The following EBF1 variants were observed in gnomAD, a reference collection of about 807,000 sequenced individuals.
EBF1 encodes the protein EBF transcription factor 1, also known as transcription factor COE1.
A neutral mutation model predicts 68.4 loss-of-function variants in EBF1; 10 were observed. That is an observed-to-expected ratio of 0.15 (90% confidence interval 0.09 to 0.25). EBF1 has a LOEUF of 0.25. EBF1 is among the 10% of genes least tolerant of loss of function. The probability of loss-of-function intolerance (pLI) is 1.00; values close to 1 mark genes in which losing one functional copy is unlikely to be tolerated. For missense variants in EBF1, 509 were observed against 794.4 expected (o/e 0.64, Z 4.32); for synonymous variants, 298 against 299.8 (o/e 0.99, Z 0.06).
At chr5:158,886,722 G>A (rs1800109912) in intron 6 of EBF1, among the ~76,000 whole-genome samples, 1 of 152,176 alleles carries the variant, frequency 6.6e-6, no homozygotes, top group South Asian at 2.1e-4. Context: ...TTTACAAAAG[G>A]AGACTTAGGC....
chr5:158,883,374 A>G (rs529086357), intron 6 of EBF1, among the ~76,000 whole-genome samples: 2 of 150,948 alleles, frequency 1.3e-5, no homozygotes, highest in African/African-American at 4.9e-5. Context: ...ACATACATAC[A>G]TGTATATATA....
At chr5:158,863,344 C>A (rs1056222775) in intron 6 of EBF1, among the ~76,000 whole-genome samples, 1 of 152,156 alleles carries the variant, frequency 6.6e-6, no homozygotes, top group East Asian at 1.9e-4. Context: ...AGTTTTCCAA[C>A]GGCACACTCC....
intron 10 of EBF1, among the ~76,000 whole-genome samples, chr5:158,740,430 A>G (rs1049058941): frequency 3.3e-5 from 5 of 152,316 alleles, no homozygotes; most frequent in South Asian, 2.1e-4. Flanking sequence ...AAGAGTTGTA[A>G]TGAAATTATA....
At chr5:158,998,144 T>C (rs896652182) in intron 6 of EBF1, among the ~76,000 whole-genome samples, 2 of 152,076 alleles carry the variant, frequency 1.3e-5, no homozygotes, top group Admixed American at 1.3e-4. Context: ...TTCACTATAC[T>C]CTATCTTATT....
At chr5:159,016,497 A>G (rs1415803839) in intron 6 of EBF1, among the ~76,000 whole-genome samples, 1 of 152,226 alleles carries the variant, frequency 6.6e-6, no homozygotes, top group Admixed American at 6.5e-5. Flanking sequence ...GACTCCAATG[A>G]TAACGATGAT....
At chr5:158,745,267 T>C (rs940849937) in intron 10 of EBF1, among the ~76,000 whole-genome samples, 1 of 152,194 alleles carries the variant, frequency 6.6e-6, no homozygotes, top group African/African-American at 2.4e-5. Context: ...TTGTTGCTAT[T>C]AGCTCGTGAG....
At chr5:158,949,578 G>T (rs1437530102) in intron 6 of EBF1, among the ~76,000 whole-genome samples, 3 of 152,146 alleles carry the variant, frequency 2.0e-5, no homozygotes, top group Non-Finnish European at 4.4e-5. Flanking sequence ...TTCCAAAAGA[G>T]GCCACTTCAA....
intron 2 of EBF1, 112 bp downstream of exon 2, chr5:159,096,862 A>G: frequency 4.4e-6 from 6 of 1,359,334 alleles, no homozygotes; most frequent in Non-Finnish European, 5.9e-6. Flanking sequence ...ACCCCCACAT[A>G]GAAGTGTGTT....
chr5:159,095,719 T>C (rs1301267488), intron 3 of EBF1, 44 bp from the exon 4 acceptor site: 1 of 1,600,210 alleles, frequency 6.2e-7, no homozygotes, highest in Admixed American at 1.7e-5. Context: ...AAGTGAGAGG[T>C]TACGGAGGGT....
At chr5:159,073,490 A>G in intron 5 of EBF1, 26 bp from the exon 6 acceptor site, 1 of 1,613,602 alleles carries the variant, frequency 6.2e-7, no homozygotes, top group Non-Finnish European at 8.5e-7. Flanking sequence ...GAAAGGATTT[A>G]GTACAACCAT....
chr5:158,835,142 A>G (rs1788464733), intron 7 of EBF1, among the ~76,000 whole-genome samples: 1 of 152,224 alleles, frequency 6.6e-6, no homozygotes, highest in Admixed American at 6.5e-5. Context: ...AACCAATATC[A>G]TTATGACACA....
intron 1 of EBF1, among the ~76,000 whole-genome samples, chr5:159,098,740 A>G (rs1470384273): frequency 6.7e-6 from 1 of 149,020 alleles, no homozygotes; most frequent in African/African-American, 2.5e-5. Flanking sequence ...AACGAAAGAA[A>G]TGGAAGGAGG....
chr5:159,077,936 C>T (rs1405087902), intron 5 of EBF1, among the ~76,000 whole-genome samples: 1 of 151,822 alleles, frequency 6.6e-6, no homozygotes, highest in Non-Finnish European at 1.5e-5. Flanking sequence ...GACTGAGTCT[C>T]ACCATGTTGC....
At chr5:159,011,685 C>G (rs1334304362) in intron 6 of EBF1, among the ~76,000 whole-genome samples, 1 of 152,172 alleles carries the variant, frequency 6.6e-6, no homozygotes, top group East Asian at 1.9e-4. Flanking sequence ...TAGAACCCCC[C>G]CTTCTCTGAC....
At chr5:159,044,672 C>G (rs1584223105) in intron 6 of EBF1, among the ~76,000 whole-genome samples, 1 of 152,200 alleles carries the variant, frequency 6.6e-6, no homozygotes, top group East Asian at 1.9e-4. Flanking sequence ...TGCAGGTCCC[C>G]AAGATTTTTC....
chr5:159,033,665 G>C (rs1175738001), intron 6 of EBF1, among the ~76,000 whole-genome samples: 1 of 152,200 alleles, frequency 6.6e-6, no homozygotes, highest in Non-Finnish European at 1.5e-5. Flanking sequence ...TTACTGCTCA[G>C]AGTAACAGAA....
intron 2 of EBF1, 88 bp downstream of exon 2, chr5:159,096,886 A>G: frequency 6.7e-7 from 1 of 1,491,980 alleles, no homozygotes; most frequent in Non-Finnish European, 9.0e-7. Context: ...GATGCTTTGC[A>G]CTCAAGGAAG....
chr5:159,093,142 T>G (rs759209385), intron 4 of EBF1, among the ~76,000 whole-genome samples: 1 of 152,188 alleles, frequency 6.6e-6, no homozygotes, highest in Non-Finnish European at 1.5e-5. Context: ...CTATCTGCTT[T>G]TTGGAGGCCA....
At chr5:158,938,202 C>T (rs953832365) in intron 6 of EBF1, among the ~76,000 whole-genome samples, 15 of 152,290 alleles carry the variant, frequency 9.8e-5, no homozygotes, top group Admixed American at 6.5e-4. Context: ...CATAAAATTG[C>T]GATACTTTAA....
Sources: gnomAD v4.1 joint callset for allele counts (sites outside exome capture counted in the v4.1 genomes callset) on GRCh38, gnomAD v4.1.1 for gene constraint, MANE v1.5 for transcripts, NCBI Gene and HGNC (gene_info 2026-07-23, HGNC 2026-07-21) for gene names.